Variants in OPCML observed in about 807,000 individuals in gnomAD.
OPCML encodes the protein opioid binding protein/cell adhesion molecule like, also known as opioid-binding protein/cell adhesion molecule.
In OPCML, 13 loss-of-function variants were observed where a neutral mutation model predicts 37.8. The ratio of observed to expected loss-of-function variants is 0.34; its 90% CI spans 0.22 to 0.55. OPCML has a LOEUF of 0.55. Ranked by LOEUF, OPCML falls within the 20% of genes least tolerant of loss-of-function variation. The pLI is 0.91. For missense variants in OPCML, 341 were observed against 435.6 expected (o/e 0.78, Z 1.93); for synonymous variants, 176 against 168.8 (o/e 1.04, Z -0.33).
chr11:133,419,168 GCA>G (rs529576484), intron 1 of OPCML: 2 of 814,816 alleles, frequency 2.5e-6, no homozygotes, highest in Non-Finnish European at 3.0e-6. Flanking sequence ...TACTGCAATA[GCA>G]CAGTCTCAGT....
At chr11:132,915,666 T>C (rs1367574909) in intron 2 of OPCML, among the ~76,000 whole-genome samples, 2 of 152,252 alleles carry the variant, frequency 1.3e-5, no homozygotes, top group Admixed American at 6.5e-5. Context: ...ACTGTTTTTA[T>C]TCATTTTTGA....
At chr11:132,758,520 C>T (rs1346160387) in intron 2 of OPCML, among the ~76,000 whole-genome samples, 1 of 152,064 alleles carries the variant, frequency 6.6e-6, no homozygotes, top group African/African-American at 2.4e-5. Flanking sequence ...CTTCATATCC[C>T]CTGTAAGTTG....
chr11:132,648,733 A>G (rs1175310225), intron 3 of OPCML, among the ~76,000 whole-genome samples: 6 of 152,072 alleles, frequency 3.9e-5, no homozygotes, highest in Non-Finnish European at 7.4e-5. Context: ...CTCTTCTTGG[A>G]TCATATCAAG....
At chr11:132,499,786 A>G (rs1345661305) in intron 4 of OPCML, among the ~76,000 whole-genome samples, 1 of 152,218 alleles carries the variant, frequency 6.6e-6, no homozygotes, top group Non-Finnish European at 1.5e-5. Flanking sequence ...GCAACTGAGG[A>G]AGAGCACAGC....
chr11:133,486,856 C>A (rs1565661580), intron 1 of OPCML, among the ~76,000 whole-genome samples: 1 of 144,640 alleles, frequency 6.9e-6, no homozygotes. Context: ...TCTCTCTTCT[C>A]TCTCTCTCTT....
intron 2 of OPCML, among the ~76,000 whole-genome samples, chr11:132,807,409 C>T (rs1939079862): frequency 6.6e-6 from 1 of 152,158 alleles, no homozygotes; most frequent in Non-Finnish European, 1.5e-5. Context: ...ATGAACTTGA[C>T]AACTCTGATA....
intron 2 of OPCML, among the ~76,000 whole-genome samples, chr11:132,930,529 C>CA (rs751919332): frequency 2.0e-5 from 3 of 151,648 alleles, no homozygotes; most frequent in Non-Finnish European, 4.4e-5. Flanking sequence ...TTGTAGAATA[C>CA]AAAAATCAAC....
chr11:132,712,205 G>A (rs1376531339), intron 2 of OPCML, among the ~76,000 whole-genome samples: 3 of 152,120 alleles, frequency 2.0e-5, no homozygotes, highest in Non-Finnish European at 4.4e-5. Flanking sequence ...TGGTAGAGGC[G>A]AATGAGAAGA....
chr11:132,992,226 T>C (rs567583287), intron 1 of OPCML, among the ~76,000 whole-genome samples: 2 of 152,270 alleles, frequency 1.3e-5, no homozygotes, highest in Admixed American at 6.5e-5. Flanking sequence ...TTCAGGTGTT[T>C]AGGCAACTGC....
At chr11:132,855,102 A>T (rs908371569) in intron 2 of OPCML, among the ~76,000 whole-genome samples, 1 of 152,164 alleles carries the variant, frequency 6.6e-6, no homozygotes, top group African/African-American at 2.4e-5. Flanking sequence ...TAATTTGTAT[A>T]ATTCCTTACA....
chr11:132,955,618 T>C (rs140840401), intron 1 of OPCML, among the ~76,000 whole-genome samples: 2,245 of 152,262 alleles, frequency 0.015, 33 homozygotes, highest in Non-Finnish European at 0.023. Context: ...GCGCGGTGGC[T>C]CATGCCTGTA....
intron 2 of OPCML, among the ~76,000 whole-genome samples, chr11:132,696,690 G>A (rs985200880): frequency 5.3e-5 from 8 of 152,132 alleles, no homozygotes; most frequent in African/African-American, 1.2e-4. Context: ...AGCACTGCTC[G>A]TATCAGATAG....
chr11:132,535,313 ATTGGCT>A (rs2096337627), intron 3 of OPCML, among the ~76,000 whole-genome samples: 1 of 152,048 alleles, frequency 6.6e-6, no homozygotes, highest in Non-Finnish European at 1.5e-5. Flanking sequence ...GTATGAAGAA[ATTGGCT>A]TTTAAAATGT....
chr11:132,711,450 C>T (rs935425991), intron 2 of OPCML, among the ~76,000 whole-genome samples: 1 of 152,178 alleles, frequency 6.6e-6, no homozygotes, highest in African/African-American at 2.4e-5. Flanking sequence ...CAGAACTTGA[C>T]TCAAATTTAA....
intron 1 of OPCML, among the ~76,000 whole-genome samples, chr11:133,458,502 GTGTA>G (rs1196404313): frequency 1.7e-5 from 2 of 120,402 alleles, no homozygotes; most frequent in Admixed American, 7.3e-5. Flanking sequence ...ACACGTGTGT[GTGTA>G]TATACACATA....
At chr11:133,378,709 CTTCT>C (rs1018200510) in intron 1 of OPCML, among the ~76,000 whole-genome samples, 9 of 139,912 alleles carry the variant, frequency 6.4e-5, no homozygotes, top group African/African-American at 2.1e-4. Context: ...TCCTTCCTTC[CTTCT>C]TTCTTTCTTT....
At chr11:132,487,001 GA>G (rs2096202016) in intron 4 of OPCML, among the ~76,000 whole-genome samples, 1 of 152,146 alleles carries the variant, frequency 6.6e-6, no homozygotes, top group Non-Finnish European at 1.5e-5. Context: ...GTGGGTAGTT[GA>G]ATAAATGATA....
At chr11:133,431,585 C>T (rs1409057466) in intron 1 of OPCML, among the ~76,000 whole-genome samples, 3 of 151,940 alleles carry the variant, frequency 2.0e-5, no homozygotes, top group Non-Finnish European at 4.4e-5. Context: ...CCTCCATCAG[C>T]CTCCTGAGTA....
intron 4 of OPCML, among the ~76,000 whole-genome samples, chr11:132,503,237 T>A (rs2096249435): frequency 1.3e-5 from 2 of 152,162 alleles, no homozygotes; most frequent in South Asian, 4.1e-4. Flanking sequence ...GAGGCTACAC[T>A]TTTTTCCTGA....
Sources: allele counts gnomAD v4.1 joint callset (sites outside exome capture counted in the v4.1 genomes callset), GRCh38; gene constraint gnomAD v4.1.1; transcripts MANE v1.5; gene names NCBI Gene and HGNC (gene_info 2026-07-23, HGNC 2026-07-21).